Variants in CCBE1 observed in about 807,000 individuals in gnomAD.
CCBE1 encodes collagen and calcium binding EGF domains 1.
In CCBE1, 37 loss-of-function variants were observed where a neutral mutation model predicts 50.0. The observed-to-expected ratio is 0.74, with a 90% CI of 0.57 to 0.97. The LOEUF (loss-of-function observed/expected upper bound fraction) is 0.97, where lower values mean the gene tolerates loss of function less well. Ranked by LOEUF, CCBE1 falls within the 50% of genes least tolerant of loss-of-function variation. The pLI, the probability that CCBE1 is intolerant of heterozygous loss-of-function variation, is 0.00. For missense variants in CCBE1, 538 were observed against 523.8 expected, an observed-to-expected ratio of 1.03 and a Z score of -0.26; for synonymous variants, 234 against 203.7, an observed-to-expected ratio of 1.15 and a Z score of -1.27.
intron 2 of CCBE1, among the ~76,000 whole-genome samples, chr18:59,556,737 C>G (rs142549814): frequency 5.3e-5 from 8 of 152,334 alleles, no homozygotes; most frequent in African/African-American, 1.7e-4. Context: ...CCAACCCACA[C>G]TGAGGTTTTT....
chr18:59,599,870 A>G (rs1324098228), intron 2 of CCBE1, among the ~76,000 whole-genome samples: 5 of 152,188 alleles, frequency 3.3e-5, no homozygotes, highest in African/African-American at 1.2e-4. Flanking sequence ...AAAGCAAATT[A>G]TTAACAAAAT....
At chr18:59,492,144 CAAAAAAAA>C (rs869190811) in intron 2 of CCBE1, among the ~76,000 whole-genome samples, 5 of 78,400 alleles carry the variant, frequency 6.4e-5, no homozygotes, top group African/African-American at 2.2e-4. Context: ...GACTTTGTCT[CAAAAAAAA>C]AAAAAAAAAA....
At chr18:59,491,164 G>A (rs533384834) in intron 2 of CCBE1, among the ~76,000 whole-genome samples, 9 of 152,272 alleles carry the variant, frequency 5.9e-5, no homozygotes, top group Non-Finnish European at 1.0e-4. Flanking sequence ...GCAAATCATA[G>A]CTTCAAGCAT....
intron 5 of CCBE1, among the ~76,000 whole-genome samples, chr18:59,463,799 C>A (rs558255733): frequency 6.6e-6 from 1 of 152,302 alleles, no homozygotes; most frequent in South Asian, 2.1e-4. Flanking sequence ...CTGGAGGCTG[C>A]CCTTCATGAG....
At chr18:59,609,361 A>T (rs114235707) in intron 2 of CCBE1, among the ~76,000 whole-genome samples, 199 of 152,322 alleles carry the variant, frequency 1.3e-3, no homozygotes, top group African/African-American at 4.2e-3. Flanking sequence ...CAGATGTGTC[A>T]AACTTAGTAG....
intron 2 of CCBE1, among the ~76,000 whole-genome samples, chr18:59,504,290 T>G (rs1913766102): frequency 6.6e-6 from 1 of 152,208 alleles, no homozygotes; most frequent in African/African-American, 2.4e-5. Context: ...CACATTTTCT[T>G]GACATTGTAA....
chr18:59,601,259 C>T (rs1328611882), intron 2 of CCBE1, among the ~76,000 whole-genome samples: 6 of 151,730 alleles, frequency 4.0e-5, no homozygotes, highest in African/African-American at 1.5e-4. Context: ...ACTCAAATCT[C>T]ATCTTGAATT....
chr18:59,596,939 C>A lies in CCBE1; in HGVS notation c.212+99690G>T, dbSNP rs149648072. 5.5e-3 allele frequency among the ~76,000 whole-genome samples: 834 copies of A among 152,276 alleles called. 13 individuals are homozygous for A. The highest frequency in any genetic ancestry group is 0.019 in the African/African-American group (784 of 41,540). On this transcript the variant is annotated intron_variant, in intron 2 of 10. Transcript: ENST00000439986. ...TGTGGATGGCTAAATGCCAATGGAC[C>A]AACACAGCAAAGTAATGAAGAAAGA...
intron 2 of CCBE1, among the ~76,000 whole-genome samples, chr18:59,493,964 T>C (rs550800174): frequency 2.6e-5 from 4 of 152,276 alleles, no homozygotes; most frequent in East Asian, 3.9e-4. Flanking sequence ...CCACCATCCA[T>C]GTAAGATGTG....
chr18:59,586,717 C>T (rs1160180957), intron 2 of CCBE1, among the ~76,000 whole-genome samples: 1 of 152,142 alleles, frequency 6.6e-6, no homozygotes, highest in Admixed American at 6.5e-5. Context: ...AAGTTTCAGA[C>T]CCATTCAACA....
intron 2 of CCBE1, among the ~76,000 whole-genome samples, chr18:59,534,042 C>T (rs1473980154): frequency 6.6e-6 from 1 of 152,176 alleles, no homozygotes; most frequent in East Asian, 1.9e-4. Flanking sequence ...GGAGAATCCC[C>T]ATAACCACCC....
At chr18:59,469,731 T>C (rs1439736330) in intron 3 of CCBE1, 124 bp from the exon 4 acceptor site, 6 of 1,273,318 alleles carry the variant, frequency 4.7e-6, no homozygotes, top group Middle Eastern at 2.6e-4. Flanking sequence ...TGGACAGATA[T>C]ACTTGGAGGG....
Position 59,651,223 on chromosome 18 carries a change from C to T in CCBE1, c.212+45406G>A, listed in dbSNP as rs897297139. On this transcript the variant is annotated intron_variant, in intron 2 of 10. Transcript: ENST00000439986. ...TGTGTTCCAGGGAAAATACGTTCTA[C>T]TTACTTAGGAAGTGTTCCTTGGCAC... Among the ~76,000 whole-genome samples, 3 of 152,182 alleles carry T rather than the reference C, an allele frequency of 2.0e-5. No individual in the cohort carries two copies. The South Asian group carries it at 6.2e-4, about 32-fold the overall frequency.
Position 59,480,193 on chromosome 18 carries a change from G to A in CCBE1, c.258C>T (p.Ile86=). ...CTTTTTTATATTACATACCTTCTGG[G>A]ATGCATTGTCCAAGAACAAATTTAT... is the stretch of plus-strand genomic sequence containing the variant. ...KGYKFVLGQC[I]PEDYDVCAEA... The change falls in exon 3 of 11, where the codon ATC becomes ATT. Residue 86 remains isoleucine (I), a synonymous_variant. Coordinates refer to ENST00000439986, the MANE Select transcript of CCBE1 (RefSeq NM_133459.4). 6.3e-7 allele frequency: 1 copy of A among 1,588,780 alleles called. No homozygotes were observed. The highest frequency in any genetic ancestry group is 8.6e-7 in the Non-Finnish European group (1 of 1,157,542).
At chr18:59,487,792 T>C (rs945980381) in intron 2 of CCBE1, among the ~76,000 whole-genome samples, 3 of 152,172 alleles carry the variant, frequency 2.0e-5, no homozygotes, top group African/African-American at 7.2e-5. Flanking sequence ...TAGTGACACC[T>C]GAAAAAAATT....
Position 59,658,835 on chromosome 18 carries a change from G to A in CCBE1, c.212+37794C>T, listed in dbSNP as rs975295453. ...GTGGAGTTTGCAGTGAGCCAAGATC[G>A]TGCCACTGCACTCCAGTCTGGGCAA... On this transcript the variant is annotated intron_variant, in intron 2 of 10. Coordinates refer to ENST00000439986, the MANE Select transcript of CCBE1 (RefSeq NM_133459.4). Among the ~76,000 whole-genome samples the A allele has an allele frequency of 8.2e-5, 11 of 133,570 alleles. No homozygotes were observed. In the East Asian group the frequency reaches 2.1e-3, roughly 26 times the overall value. The allele number at this position is 133,570 out of a possible 152,430, so 87.6% of individuals were successfully genotyped here.
chr18:59,564,600 T>C (rs1461788975), intron 2 of CCBE1, among the ~76,000 whole-genome samples: 1 of 152,266 alleles, frequency 6.6e-6, no homozygotes, highest in African/African-American at 2.4e-5. Context: ...TGGCTTGTAT[T>C]TCACTGATCT....
chr18:59,625,452 A>AAAAAAAAC (rs2053771360), intron 2 of CCBE1, among the ~76,000 whole-genome samples: 1 of 151,792 alleles, frequency 6.6e-6, no homozygotes, highest in Non-Finnish European at 1.5e-5. Flanking sequence ...AAAAAAAAAA[A>AAAAAAAAC]AATTGTAGCC....
At chr18:59,526,023 A>T in intron 2 of CCBE1, among the ~76,000 whole-genome samples, 1 of 152,142 alleles carries the variant, frequency 6.6e-6, no homozygotes, top group Middle Eastern at 3.2e-3. Flanking sequence ...GGGTAGTGTG[A>T]TGCCTCCAAG....
Sources: gnomAD v4.1 joint callset for allele counts (sites outside exome capture counted in the v4.1 genomes callset) on GRCh38, gnomAD v4.1.1 for gene constraint, MANE v1.5 for transcripts, NCBI Gene and HGNC (gene_info 2026-07-23, HGNC 2026-07-21) for gene names.